NCAPH: variants seen among roughly 807,000 people sequenced by gnomAD.
The protein encoded by NCAPH is condensin complex subunit 2.
In NCAPH, 38 loss-of-function variants were observed where a neutral mutation model predicts 85.5. That is an observed-to-expected ratio of 0.44 (90% CI 0.34 to 0.58). The LOEUF (loss-of-function observed/expected upper bound fraction) is 0.58. Among genes scored for constraint, NCAPH ranks in the 20% least tolerant of loss-of-function variants. The pLI is 0.01. For synonymous variants in NCAPH, 301 were observed against 335.1 expected, an observed-to-expected ratio of 0.90 and a Z score of 1.11; for missense variants, 789 against 916.6, an observed-to-expected ratio of 0.86 and a Z score of 1.80.
chr2:96,336,758 AC>A (rs2064220041), intron 1 of NCAPH, among the ~76,000 whole-genome samples: 1 of 152,220 alleles, frequency 6.6e-6, no homozygotes, highest in South Asian at 2.1e-4. Flanking sequence ...AAATTTGGAT[AC>A]CATTATCATA....
intron 15 of NCAPH, 55 bp from the exon 16 acceptor site, chr2:96,368,917 C>T (rs2064734701): frequency 6.8e-7 from 1 of 1,476,698 alleles, no homozygotes; most frequent in South Asian, 1.3e-5. Flanking sequence ...TTTTTGTTGC[C>T]CTTTCAAAAG....
chr2:96,339,952 TCA>T (rs1330349717), intron 1 of NCAPH, among the ~76,000 whole-genome samples: 1 of 152,190 alleles, frequency 6.6e-6, no homozygotes, highest in East Asian at 1.9e-4. Flanking sequence ...TGACAGAGTC[TCA>T]CTCTGTTGCC....
At chr2:96,343,034 A>G (rs904165114) in intron 4 of NCAPH, 132 bp from the exon 5 acceptor site, 5 of 1,272,946 alleles carry the variant, frequency 3.9e-6, no homozygotes, top group Middle Eastern at 1.9e-4. Context: ...TTTATTCCCT[A>G]TCAGTCATAG....
At chr2:96,370,604 C>A (rs754311240) in intron 17 of NCAPH, among the ~76,000 whole-genome samples, 5 of 152,186 alleles carry the variant, frequency 3.3e-5, no homozygotes, top group Non-Finnish European at 7.3e-5. Flanking sequence ...AGTCAGAGAC[C>A]AATTTTTCTC....
intron 17 of NCAPH, among the ~76,000 whole-genome samples, 161 bp from the exon 18 acceptor site, chr2:96,373,131 C>T (rs1052817512): frequency 6.6e-6 from 1 of 152,192 alleles, no homozygotes; most frequent in African/African-American, 2.4e-5. Context: ...GATTGGGAAT[C>T]AGGTTTTTCA....
intron 12 of NCAPH, among the ~76,000 whole-genome samples, chr2:96,362,922 ATTGACT>A (rs1171444520): frequency 1.3e-5 from 2 of 152,228 alleles, no homozygotes; most frequent in African/African-American, 4.8e-5. Context: ...GTTTGAAAAG[ATTGACT>A]TTGAATTTGA....
chr2:96,360,701 AGGC>A lies in NCAPH; in HGVS notation c.1579_1581del (p.Gly527del). The A allele has an allele frequency of 6.2e-7, 1 of 1,614,136 alleles. No homozygotes were observed. The highest frequency in any genetic ancestry group is 8.5e-7 in the Non-Finnish European group (1 of 1,180,016). On this transcript the variant is annotated inframe_deletion, in exon 12 of 18. Transcript: ENST00000240423. ...CTCTGGTCCAGCTTCACCTCAAACC[AGGC>A]ACCAGGGTAAGCCTATTTCTTGGTT...
At chr2:96,363,888 T>C (rs2064660682) in intron 12 of NCAPH, among the ~76,000 whole-genome samples, 1 of 151,990 alleles carries the variant, frequency 6.6e-6, no homozygotes, top group Admixed American at 6.6e-5. Flanking sequence ...TATGGCTCAG[T>C]GCAGCCTCAA....
chr2:96,359,155 C>G lies in NCAPH; in HGVS notation c.1319C>G (p.Ala440Gly), dbSNP rs777687679. 6.2e-7 allele frequency: 1 copy of G among 1,614,226 alleles called. No individual in the cohort carries two copies. Among genetic ancestry groups the G allele is most frequent in the Non-Finnish European group, 8.5e-7 (1 of 1,180,048 alleles). Reference sequence around the variant, plus strand: ...AGTCCTCGGACCATGTCGATGTGGGCTGGCCCGGATCACTGGCGCTTTAGG... The same window carrying G: ...AGTCCTCGGACCATGTCGATGTGGGGTGGCCCGGATCACTGGCGCTTTAGG... Reference protein sequence around the residue: ...YFSPRTMSMWAGPDHWRFRPR... With the variant: ...YFSPRTMSMWGGPDHWRFRPR... Residue 440 changes from alanine (A) to glycine (G), a missense_variant, in exon 10 of 18, where the codon GCT becomes GGT. Transcript: ENST00000240423.
chr2:96,354,085 T>C, intron 8 of NCAPH, 98 bp from the exon 9 acceptor site: 13 of 1,248,872 alleles, frequency 1.0e-5, no homozygotes, highest in Non-Finnish European at 1.5e-5. Context: ...AGGAGGAGGC[T>C]GGAAACTGAA....
chr2:96,341,348 T>A, intron 1 of NCAPH: 1 of 327,264 alleles, frequency 3.1e-6, no homozygotes, highest in Non-Finnish European at 5.6e-6. Flanking sequence ...TGTGAGCTTA[T>A]CAGAGGCAGC....
At chr2:96,353,434 G>A (rs1176369378) in intron 8 of NCAPH, 37 bp downstream of exon 8, 1 of 1,579,488 alleles carries the variant, frequency 6.3e-7, no homozygotes, top group East Asian at 2.2e-5. Context: ...GTTTCAGTTA[G>A]TTGGCTCAAG....
intron 12 of NCAPH, among the ~76,000 whole-genome samples, chr2:96,362,013 G>C (rs2064630086): frequency 6.6e-6 from 1 of 150,884 alleles, no homozygotes; most frequent in South Asian, 2.1e-4. Flanking sequence ...CAAAGTACAG[G>C]GATTACAGGC....
At chr2:96,347,297 C>A (rs1297258627) in intron 6 of NCAPH, among the ~76,000 whole-genome samples, 2 of 137,704 alleles carry the variant, frequency 1.5e-5, no homozygotes, top group Admixed American at 7.4e-5. Flanking sequence ...TTTTTTTTAT[C>A]ACTTTTGCCC....
chr2:96,372,289 G>T (rs2064784293), intron 17 of NCAPH, among the ~76,000 whole-genome samples: 1 of 152,158 alleles, frequency 6.6e-6, no homozygotes, highest in South Asian at 2.1e-4. Context: ...GAGAGATGGG[G>T]CAGTGGGGTA....
chr2:96,353,068 T>C (rs1251802112), intron 7 of NCAPH, among the ~76,000 whole-genome samples: 1 of 152,260 alleles, frequency 6.6e-6, no homozygotes, highest in Non-Finnish European at 1.5e-5. Context: ...ATTTGTGCGA[T>C]GACAGTGCAT....
intron 17 of NCAPH, among the ~76,000 whole-genome samples, chr2:96,370,572 A>T (rs1341337920): frequency 6.6e-6 from 1 of 152,186 alleles, no homozygotes; most frequent in African/African-American, 2.4e-5. Context: ...CCATCAGCCA[A>T]TCCCAGTGAC....
rs968804824 is a variant in NCAPH, at chr2:96,349,607, C to A, written c.721-2224C>A. On this transcript the variant is annotated intron_variant, in intron 6 of 17. Coordinates refer to ENST00000240423, the MANE Select transcript of NCAPH (RefSeq NM_015341.5). ...ATGTTGGCCATGCTGGTCTCAAACT[C>A]CTGACCTCAAGTGATCTGCCTGCCT... Among the ~76,000 whole-genome samples the A allele has an allele frequency of 2.6e-5, 4 of 152,098 alleles. No individual in the cohort carries two copies. In the South Asian group the frequency reaches 6.2e-4, roughly 24 times the overall value.
At chr2:96,344,638 A>G (rs1051828312) in intron 6 of NCAPH, among the ~76,000 whole-genome samples, 5 of 152,308 alleles carry the variant, frequency 3.3e-5, no homozygotes, top group Admixed American at 3.3e-4. Flanking sequence ...CTGAGGCACA[A>G]TGACTTGCCT....
Sources: allele counts gnomAD v4.1 joint callset (sites outside exome capture counted in the v4.1 genomes callset), GRCh38; gene constraint gnomAD v4.1.1; transcripts MANE v1.5; gene names NCBI Gene and HGNC (gene_info 2026-07-23, HGNC 2026-07-21).